ARL8A: variants seen among roughly 807,000 people sequenced by gnomAD.
The protein encoded by ARL8A is ADP-ribosylation factor-like protein 8A.
In ARL8A, 10 loss-of-function variants were observed where a neutral mutation model predicts 31.2. The observed-to-expected ratio is 0.32, with a 90% CI of 0.20 to 0.54. The LOEUF (loss-of-function observed/expected upper bound fraction) is 0.54. Ranked by LOEUF, ARL8A falls within the 20% of genes least tolerant of loss-of-function variation. The probability of loss-of-function intolerance (pLI) is 0.93; values close to 1 mark genes in which losing one functional copy is unlikely to be tolerated. For missense variants in ARL8A, 129 were observed against 242.8 expected, an observed-to-expected ratio of 0.53 and a Z score of 3.12; for synonymous variants, 70 against 86.9, an observed-to-expected ratio of 0.81 and a Z score of 1.08.
chr1:202,141,098 A>T (rs1391574802), intron 1 of ARL8A, among the ~76,000 whole-genome samples: 1 of 152,096 alleles, frequency 6.6e-6, no homozygotes, highest in Non-Finnish European at 1.5e-5. Context: ...GCAGAGGGGG[A>T]TGCTGGGAGG....
At position 202,135,211 on chromosome 1, in the gene ARL8A, A is replaced by G; in HGVS notation, c.450T>C (p.Ser150=). 1 of 1,614,110 alleles carries G rather than the reference A, an allele frequency of 6.2e-7. No individual in the cohort carries two copies. The highest frequency in any genetic ancestry group is 1.6e-4 in the Middle Eastern group (1 of 6,062). The stretch of plus-strand genomic sequence containing the variant: ...AGCAGATCTCTCGGTCCTGGATGGC[A>G]GACAGATTCCTGGGGGAAACCAGAG... ...EKELIEKMNL[S]AIQDREICCY... The change falls in exon 6 of 7, where the codon TCT becomes TCC. Residue 150 remains serine (S), a synonymous_variant. Coordinates refer to ENST00000272217, the MANE Select transcript of ARL8A (RefSeq NM_138795.4). This position sits in a 1 kb window ranked among gnomAD's most constrained non-coding sequence, Gnocchi z 5.3.
intron 1 of ARL8A, among the ~76,000 whole-genome samples, chr1:202,140,658 G>A (rs1296753291): frequency 6.6e-6 from 1 of 152,194 alleles, no homozygotes; most frequent in Admixed American, 6.5e-5. Context: ...TGGAGAAAGG[G>A]TCTCTCACTT....
chr1:202,137,418 G>A (rs1198567272), intron 3 of ARL8A, among the ~76,000 whole-genome samples: 4 of 152,114 alleles, frequency 2.6e-5, no homozygotes, highest in South Asian at 4.1e-4. Flanking sequence ...ACCTGAGGTC[G>A]GGAGTTCAAG....
rs1170380769 is a variant in ARL8A, at chr1:202,134,413, G to A, written c.*54C>T. 7.6e-6 allele frequency: 12 copies of A among 1,571,506 alleles called. No individual in the cohort carries two copies. Among genetic ancestry groups the A allele is most frequent in the Non-Finnish European group, 8.8e-6 (10 of 1,142,596 alleles). On this transcript the variant is annotated 3_prime_UTR_variant, in exon 7 of 7. Transcript: ENST00000272217. This position sits in a 1 kb window ranked among gnomAD's most constrained non-coding sequence, Gnocchi z 4.2. ...GACGACAGGGGTGGGCGGGGAGCTC[G>A]GCTTCAGGTTTAGATGATGACGGTC...
At position 202,138,325 on chromosome 1, in the gene ARL8A, AC is replaced by A. The variant is rs1190890618; in HGVS notation, c.204+42del. ...CACACACACACACACACACACACAC[AC>A]AAAAACAGTCCTCTGCACCCCCCAA... On this transcript the variant is annotated intron_variant, in intron 2 of 6. Transcript: ENST00000272217. The surrounding 1 kb of genome is among the most constrained non-coding windows in gnomAD (Gnocchi z 4.4). 18 of 1,557,720 alleles carry A rather than the reference AC, an allele frequency of 1.2e-5. No homozygotes were observed. The highest frequency in any genetic ancestry group is 2.8e-5 in the African/African-American group (2 of 72,660).
chr1:202,139,521 C>T lies in ARL8A; in HGVS notation c.124-1073G>A, dbSNP rs572049723. ...CCAGGAGGTGGAGGTTGCAGTGAGCCGAGATCATGCCATTGTACTCCAGCC... is the reference window on the plus strand; with the variant it reads ...CCAGGAGGTGGAGGTTGCAGTGAGCTGAGATCATGCCATTGTACTCCAGCC... On this transcript the variant is annotated intron_variant, in intron 1 of 6. Coordinates refer to ENST00000272217, the MANE Select transcript of ARL8A (RefSeq NM_138795.4). 1.2e-3 allele frequency among the ~76,000 whole-genome samples: 173 copies of T among 149,290 alleles called. 1 individual carries two copies. Among genetic ancestry groups the T allele is most frequent in the Non-Finnish European group, 2.0e-3 (132 of 67,670 alleles).
intron 1 of ARL8A, among the ~76,000 whole-genome samples, chr1:202,143,728 G>A (rs1655224518): frequency 6.6e-6 from 1 of 152,220 alleles, no homozygotes; most frequent in African/African-American, 2.4e-5. Context: ...AGTGGGCCGT[G>A]CCCCTACACC....
Position 202,133,603 on chromosome 1 carries a change from T to G in ARL8A, c.*864A>C, listed in dbSNP as rs1034896068. ...AACCCAAAGAACCAACCCCCCATGCTGAGTTCTCTCCTTGTGCAACTCTGC... is the reference window on the plus strand; with the variant it reads ...AACCCAAAGAACCAACCCCCCATGCGGAGTTCTCTCCTTGTGCAACTCTGC... On this transcript the variant is annotated 3_prime_UTR_variant, in exon 7 of 7. Transcript: ENST00000272217. 5.3e-5 allele frequency: 8 copies of G among 152,150 alleles called. No homozygotes were observed. The highest frequency in any genetic ancestry group is 8.8e-5 in the Non-Finnish European group (6 of 68,042). 9.4% of individuals were successfully genotyped at this position (152,150 alleles called of 1,614,324 possible).
rs1454989553 is a variant in ARL8A, at chr1:202,138,305, A to G, written c.204+63T>C. On this transcript the variant is annotated intron_variant, in intron 2 of 6. Transcript: ENST00000272217. The surrounding 1 kb of genome is among the most constrained non-coding windows in gnomAD (Gnocchi z 4.4). ...CCGTTGCCCTCCCCAACACACACACACACACACACACACACACACACAAAA... is the reference window on the plus strand; with the variant it reads ...CCGTTGCCCTCCCCAACACACACACGCACACACACACACACACACACAAAA... 5.5e-6 allele frequency: 8 copies of G among 1,466,270 alleles called. No homozygotes were observed. In the African/African-American group the frequency reaches 9.8e-5, roughly 18 times the overall value. The allele number at this position is 1,466,270 out of a possible 1,614,324, so 90.8% of individuals were successfully genotyped here. A position where few individuals can be genotyped will look rare whatever the true frequency, so the allele number is the denominator to read the frequency against.
In ARL8A at chr1:202,144,151, G is replaced by T. The variant is rs1436946917; in HGVS notation, c.123+299C>A. ...GCCGGCAGCGGGTCCCTCCTGCTTC[G>T]AGAGCCCCTCGGTGCCGCCTGCCCC... On this transcript the variant is annotated intron_variant, in intron 1 of 6. Transcript: ENST00000272217. This position sits in a 1 kb window ranked among gnomAD's most constrained non-coding sequence, Gnocchi z 5.2. Among the ~76,000 whole-genome samples, 7 of 152,110 alleles carry T rather than the reference G, an allele frequency of 4.6e-5. No homozygotes were observed. The highest frequency in any genetic ancestry group is 1.0e-4 in the Non-Finnish European group (7 of 67,986).
Position 202,135,159 on chromosome 1 carries a change from C to A in ARL8A, c.502G>T (p.Asp168Tyr). 6.2e-7 allele frequency: 1 copy of A among 1,613,966 alleles called. No individual in the cohort carries two copies. The highest frequency in any genetic ancestry group is 8.5e-7 in the Non-Finnish European group (1 of 1,179,850). ...CCCCCATCCTACGCACCAATGTTGTCCTTTTCTTTGCAAGAGATGGAGTAG... is the reference window on the plus strand; with the variant it reads ...CCCCCATCCTACGCACCAATGTTGTACTTTTCTTTGCAAGAGATGGAGTAG... Reference protein sequence around the residue: ...CCYSISCKEKDNIDITLQWLI... With the variant: ...CCYSISCKEKYNIDITLQWLI... Residue 168 changes from aspartate (D) to tyrosine (Y), a missense_variant, in exon 6 of 7, where the codon GAC becomes TAC. Asp to Tyr is a radical substitution (Grantham distance 160, BLOSUM62 -3). Transcript: ENST00000272217. The surrounding 1 kb of genome is among the most constrained non-coding windows in gnomAD (Gnocchi z 5.3).
In ARL8A at chr1:202,144,633, TGCGGCCCGGAGCGGCCCCTCCCCGGTACG is replaced by T; in HGVS notation, c.-90_-62del. On this transcript the variant is annotated 5_prime_UTR_variant, in exon 1 of 7. Transcript: ENST00000272217. The surrounding 1 kb of genome is among the most constrained non-coding windows in gnomAD (Gnocchi z 5.2). Reference sequence around the variant, plus strand: ...CCGCCGCCCCTCGCTGCCCTCGCGCTGCGGCCCGGAGCGGCCCCTCCCCGGTACGGCCCGGGTCCCGCGGCTCGGTGCGG... The same window carrying T: ...CCGCCGCCCCTCGCTGCCCTCGCGCTGCCCGGGTCCCGCGGCTCGGTGCGG... The T allele has an allele frequency of 7.8e-7, 1 of 1,285,076 alleles. No homozygotes were observed. The highest frequency in any genetic ancestry group is 1.0e-6 in the Non-Finnish European group (1 of 994,980). 79.6% of individuals were successfully genotyped at this position (1,285,076 alleles called of 1,614,324 possible). A position where few individuals can be genotyped will look rare whatever the true frequency, so the allele number is the denominator to read the frequency against.
chr1:202,143,335 G>A (rs898453661), intron 1 of ARL8A, among the ~76,000 whole-genome samples: 2 of 152,208 alleles, frequency 1.3e-5, no homozygotes, highest in Admixed American at 6.5e-5. Flanking sequence ...CTTCTGCAAG[G>A]TGGGGCAACA....
In ARL8A at chr1:202,142,087, C is replaced by T. The variant is rs541494850; in HGVS notation, c.123+2363G>A. ...TTCACCATGTTGGCCAGGCTGGTCT[C>T]GAACTCCTAGCCTCAGGTGAAACCC... On this transcript the variant is annotated intron_variant, in intron 1 of 6. Coordinates refer to ENST00000272217, the MANE Select transcript of ARL8A (RefSeq NM_138795.4). Among the ~76,000 whole-genome samples, 14 of 152,294 alleles carry T rather than the reference C, an allele frequency of 9.2e-5. No individual in the cohort carries two copies. In the East Asian group the frequency reaches 1.7e-3, roughly 19 times the overall value.
At chr1:202,137,940 C>A in intron 3 of ARL8A, 25 bp downstream of exon 3, 1 of 1,613,718 alleles carries the variant, frequency 6.2e-7, no homozygotes, top group South Asian at 1.1e-5. Flanking sequence ...AGGCTGGAGT[C>A]TGGCGATGCC....
intron 3 of ARL8A, among the ~76,000 whole-genome samples, chr1:202,137,238 G>A (rs866266247): frequency 6.6e-6 from 1 of 151,892 alleles, no homozygotes; most frequent in South Asian, 2.1e-4. Flanking sequence ...GCCTAGGCTG[G>A]CCCTAAACTC....
Position 202,138,143 on chromosome 1 carries a change from C to T in ARL8A, c.205-105G>A, listed in dbSNP as rs2147811832. Reference sequence around the variant, plus strand: ...ACCCTGCCCTACTCTCCTCTGCCTCCCCGGCTTCCTCTCCAGTTCTCCCCC... The same window carrying T: ...ACCCTGCCCTACTCTCCTCTGCCTCTCCGGCTTCCTCTCCAGTTCTCCCCC... On this transcript the variant is annotated intron_variant, in intron 2 of 6. Transcript: ENST00000272217. The surrounding 1 kb of genome is among the most constrained non-coding windows in gnomAD (Gnocchi z 4.4). 1 of 1,354,144 alleles carries T rather than the reference C, an allele frequency of 7.4e-7. No homozygotes were observed. The highest frequency in any genetic ancestry group is 1.0e-6 in the Non-Finnish European group (1 of 963,648). The allele number at this position is 1,354,144 out of a possible 1,614,324, so 83.9% of individuals were successfully genotyped here. A position where few individuals can be genotyped will look rare whatever the true frequency, so the allele number is the denominator to read the frequency against.
At position 202,138,156 on chromosome 1, in the gene ARL8A, C is replaced by G. The variant is rs1655064191; in HGVS notation, c.205-118G>C. 8.0e-7 allele frequency: 1 copy of G among 1,254,298 alleles called. No individual in the cohort carries two copies. The highest frequency in any genetic ancestry group is 2.4e-5 in the East Asian group (1 of 40,818). 77.7% of individuals were successfully genotyped at this position (1,254,298 alleles called of 1,614,324 possible). On this transcript the variant is annotated intron_variant, in intron 2 of 6. Transcript: ENST00000272217. This position sits in a 1 kb window ranked among gnomAD's most constrained non-coding sequence, Gnocchi z 4.4. ...CTCCTCTGCCTCCCCGGCTTCCTCTCCAGTTCTCCCCCGTCTCCACCCGCT... is the reference window on the plus strand; with the variant it reads ...CTCCTCTGCCTCCCCGGCTTCCTCTGCAGTTCTCCCCCGTCTCCACCCGCT...
intron 3 of ARL8A, among the ~76,000 whole-genome samples, chr1:202,136,905 A>C (rs1164635869): frequency 6.6e-6 from 1 of 150,758 alleles, no homozygotes; most frequent in Non-Finnish European, 1.5e-5. Context: ...CCCAGGCTGG[A>C]GTGCAGTGAT....
Sources: allele counts gnomAD v4.1 joint callset (sites outside exome capture counted in the v4.1 genomes callset), GRCh38; gene constraint gnomAD v4.1.1; non-coding constraint Gnocchi (gnomAD v3.1); transcripts MANE v1.5; gene names NCBI Gene and HGNC (gene_info 2026-07-23, HGNC 2026-07-21).